The following HSD17B12 variants were observed in gnomAD, a reference collection of about 807,000 sequenced individuals.
HSD17B12 encodes very-long-chain 3-oxoacyl-CoA reductase.
A neutral mutation model predicts 39.3 loss-of-function variants in HSD17B12; 32 were observed. That is an observed-to-expected ratio of 0.81 (90% CI 0.61 to 1.09). The LOEUF (loss-of-function observed/expected upper bound fraction) is 1.09, where lower values mean the gene tolerates loss of function less well. Among genes scored for constraint, HSD17B12 ranks in the 50% least tolerant of loss-of-function variants. HSD17B12 has a pLI of 0.00. For synonymous variants in HSD17B12, 150 were observed against 146.7 expected (o/e 1.02, Z -0.16); for missense variants, 342 against 382.9 (o/e 0.89, Z 0.89).
At chr11:43,562,279 G>A in the HSD17B12 span, among the ~76,000 whole-genome samples, 1 of 152,366 alleles carries the variant, frequency 6.6e-6, no homozygotes, top group South Asian at 2.1e-4. Context: ...AGTAGGCATA[G>A]GTCTCTGATA....
At chr11:43,702,446 T>G (rs1195153018) in intron 1 of HSD17B12, among the ~76,000 whole-genome samples, 2 of 152,244 alleles carry the variant, frequency 1.3e-5, no homozygotes, top group Non-Finnish European at 2.9e-5. Flanking sequence ...CCCCGTTCTG[T>G]ATGATGCTGG....
chr11:43,656,650 C>T, the HSD17B12 span, among the ~76,000 whole-genome samples: 7 of 152,134 alleles, frequency 4.6e-5, no homozygotes, highest in South Asian at 2.1e-4. Flanking sequence ...GCCTTCATTT[C>T]GTTATGTACC....
At chr11:43,557,557 C>G in the HSD17B12 span, among the ~76,000 whole-genome samples, 1 of 152,064 alleles carries the variant, frequency 6.6e-6, no homozygotes. Context: ...AAACCTTATT[C>G]GTGGGTAAAA....
chr11:43,747,592 G>C (rs1181325997), intron 1 of HSD17B12, among the ~76,000 whole-genome samples: 1 of 152,206 alleles, frequency 6.6e-6, no homozygotes, highest in African/African-American at 2.4e-5. Context: ...CTGTGTTCAA[G>C]GAGAAAGACA....
the HSD17B12 span, among the ~76,000 whole-genome samples, chr11:43,564,034 T>G: frequency 6.6e-6 from 1 of 152,070 alleles, no homozygotes; most frequent in Admixed American, 6.6e-5. Flanking sequence ...CCTGGCTATT[T>G]TTATTTTTTG....
chr11:43,810,404 A>ATAT (rs1951061689), intron 4 of HSD17B12, among the ~76,000 whole-genome samples: 4 of 50,046 alleles, frequency 8.0e-5, no homozygotes, highest in Non-Finnish European at 1.2e-4. Context: ...TATATATATA[A>ATAT]AATTCAGAAT....
chr11:43,787,752 T>TA (rs1312994570), intron 3 of HSD17B12, among the ~76,000 whole-genome samples: 1 of 131,200 alleles, frequency 7.6e-6, no homozygotes, highest in Non-Finnish European at 1.7e-5. Context: ...AAAAAAAAAA[T>TA]AATAATAATA....
At chr11:43,766,896 G>C (rs895423729) in intron 3 of HSD17B12, among the ~76,000 whole-genome samples, 7 of 152,136 alleles carry the variant, frequency 4.6e-5, no homozygotes, top group African/African-American at 1.7e-4. Flanking sequence ...CTTCATTACT[G>C]TTTGTTACCA....
intron 3 of HSD17B12, chr11:43,755,016 G>A: frequency 1.7e-6 from 1 of 588,270 alleles, no homozygotes; most frequent in South Asian, 2.2e-5. Flanking sequence ...ACCATTTGTG[G>A]CCAGGAAGCT....
intron 3 of HSD17B12, among the ~76,000 whole-genome samples, chr11:43,773,424 G>A (rs1950668692): frequency 6.6e-6 from 1 of 152,108 alleles, no homozygotes; most frequent in South Asian, 2.1e-4. Context: ...ATTTTTCATA[G>A]AGTTGGAATC....
the HSD17B12 span, among the ~76,000 whole-genome samples, chr11:43,626,730 T>G: frequency 6.6e-6 from 1 of 152,012 alleles, no homozygotes. Flanking sequence ...ACAACTTTGA[T>G]GCAAATTGTA....
the HSD17B12 span, among the ~76,000 whole-genome samples, chr11:43,611,850 C>T: frequency 6.6e-6 from 1 of 152,178 alleles, no homozygotes; most frequent in South Asian, 2.1e-4. Context: ...AGATGAGAAA[C>T]TGAGATTTAA....
the HSD17B12 span, among the ~76,000 whole-genome samples, chr11:43,623,322 T>G: frequency 1.3e-5 from 2 of 152,232 alleles, no homozygotes; most frequent in Admixed American, 1.3e-4. Context: ...TTCAATCATA[T>G]TTTTAACTCT....
chr11:43,841,939 T>G (rs1453086972), intron 9 of HSD17B12, among the ~76,000 whole-genome samples: 1 of 152,214 alleles, frequency 6.6e-6, no homozygotes, highest in African/African-American at 2.4e-5. Flanking sequence ...TTTCACTGCA[T>G]CTCATAACAA....
chr11:43,666,213 T>C, the HSD17B12 span, among the ~76,000 whole-genome samples: 14 of 152,138 alleles, frequency 9.2e-5, no homozygotes, highest in Non-Finnish European at 2.1e-4. Context: ...TATTTATTTT[T>C]ATTTTTTTGA....
chr11:43,593,031 T>G, the HSD17B12 span, among the ~76,000 whole-genome samples: 3 of 152,138 alleles, frequency 2.0e-5, no homozygotes, highest in African/African-American at 4.8e-5. Flanking sequence ...CATCTTAGCT[T>G]AGTGATGTCA....
chr11:43,799,771 A>G (rs898211728), intron 4 of HSD17B12, among the ~76,000 whole-genome samples: 7 of 152,188 alleles, frequency 4.6e-5, no homozygotes, highest in African/African-American at 1.7e-4. Flanking sequence ...CTATAAAAGA[A>G]TGGTCTTTTA....
the HSD17B12 span, among the ~76,000 whole-genome samples, chr11:43,642,654 G>A: frequency 1.3e-5 from 2 of 151,680 alleles, no homozygotes; most frequent in African/African-American, 4.8e-5. Context: ...TATTAAAAAA[G>A]AGAGGGGAAA....
the HSD17B12 span, among the ~76,000 whole-genome samples, chr11:43,627,937 AAT>A: frequency 1.4e-4 from 21 of 152,034 alleles, no homozygotes; most frequent in African/African-American, 3.9e-4. Context: ...ACTTAAAATA[AAT>A]ATTACAAAGT....
Sources: allele counts gnomAD v4.1 joint callset (sites outside exome capture counted in the v4.1 genomes callset), GRCh38; gene constraint gnomAD v4.1.1; transcripts MANE v1.5; gene names NCBI Gene and HGNC (gene_info 2026-07-23, HGNC 2026-07-21).